FRMD4B: variants seen among roughly 807,000 people sequenced by gnomAD.
FRMD4B encodes the protein FERM domain-containing protein 4B.
In FRMD4B, 74 loss-of-function variants were observed where a neutral mutation model predicts 141.5. The observed-to-expected ratio is 0.52, with a 90% CI of 0.43 to 0.63. The LOEUF (loss-of-function observed/expected upper bound fraction) is 0.63, where lower values mean the gene tolerates loss of function less well. Ranked by LOEUF, FRMD4B falls within the 30% of genes least tolerant of loss-of-function variation. The pLI, the probability that FRMD4B is intolerant of heterozygous loss-of-function variation, is 0.00. For missense variants in FRMD4B, 1,366 were observed against 1,253.4 expected, an observed-to-expected ratio of 1.09 and a Z score of -1.36; for synonymous variants, 506 against 467.9, an observed-to-expected ratio of 1.08 and a Z score of -1.05.
intron 2 of FRMD4B, among the ~76,000 whole-genome samples, chr3:69,406,499 T>A (rs534273982): frequency 6.6e-6 from 1 of 152,178 alleles, no homozygotes; most frequent in Non-Finnish European, 1.5e-5. Context: ...ACATTTCCAT[T>A]GTAAAATATT....
intron 1 of FRMD4B, among the ~76,000 whole-genome samples, chr3:69,372,926 C>A (rs1350070105): frequency 1.3e-5 from 2 of 152,106 alleles, no homozygotes; most frequent in East Asian, 1.9e-4. Context: ...CAGGGTTATA[C>A]ACGTAATGGG....
At chr3:69,456,934 A>G (rs4855410) in intron 1 of FRMD4B, among the ~76,000 whole-genome samples, 101,410 of 151,972 alleles carry the variant, frequency 0.67, 34,495 homozygotes, top group East Asian at 0.83. Flanking sequence ...TGCCCACAAA[A>G]CTAAAAATAT....
At chr3:69,205,314 C>T (rs2093014305) in intron 11 of FRMD4B, among the ~76,000 whole-genome samples, 1 of 151,980 alleles carries the variant, frequency 6.6e-6, no homozygotes, top group African/African-American at 2.4e-5. Context: ...ACAACAGGTA[C>T]ATGCTACCAC....
Position 69,169,653 on chromosome 3 carries a change from G to A in FRMD4B, c.*2208C>T, listed in dbSNP as rs901259627. On this transcript the variant is annotated 3_prime_UTR_variant, in exon 23 of 23. Transcript: ENST00000398540. ...ATTACAGGTGTGAGCCGCTATGCCT[G>A]GCCCTGAGCTTCCATTTCTATACCT... 6.6e-6 allele frequency among the ~76,000 whole-genome samples: 1 copy of A among 152,048 alleles called. No individual in the cohort carries two copies. The highest frequency in any genetic ancestry group is 6.6e-5 in the Admixed American group (1 of 15,266).
At chr3:69,392,662 A>G (rs1019441318) in intron 2 of FRMD4B, among the ~76,000 whole-genome samples, 2 of 152,092 alleles carry the variant, frequency 1.3e-5, no homozygotes, top group African/African-American at 4.8e-5. Flanking sequence ...GGGCCTTCAC[A>G]CACAGAATGG....
intron 1 of FRMD4B, among the ~76,000 whole-genome samples, chr3:69,494,613 T>C (rs1373032537): frequency 6.6e-6 from 1 of 152,122 alleles, no homozygotes; most frequent in African/African-American, 2.4e-5. Flanking sequence ...AACAATCAGC[T>C]GGGTGCGGTG....
chr3:69,309,784 G>C (rs559509434), intron 3 of FRMD4B, among the ~76,000 whole-genome samples: 1 of 152,128 alleles, frequency 6.6e-6, no homozygotes, highest in African/African-American at 2.4e-5. Flanking sequence ...CAATATTCAT[G>C]TTGTTAACCC....
intron 21 of FRMD4B, among the ~76,000 whole-genome samples, chr3:69,177,242 G>A (rs918901328): frequency 3.3e-5 from 5 of 152,160 alleles, no homozygotes; most frequent in African/African-American, 1.2e-4. Flanking sequence ...AGGAGGCTGA[G>A]ACAGGAGAAA....
intron 10 of FRMD4B, among the ~76,000 whole-genome samples, chr3:69,217,714 T>A (rs760163766): frequency 6.6e-6 from 1 of 152,204 alleles, no homozygotes; most frequent in Admixed American, 6.5e-5. Flanking sequence ...CATTTTGAAT[T>A]GTATAGAGAT....
chr3:69,434,151 T>C (rs372737005), intron 1 of FRMD4B, among the ~76,000 whole-genome samples: 40 of 152,324 alleles, frequency 2.6e-4, no homozygotes, highest in African/African-American at 7.9e-4. Context: ...TGCAAAGAAC[T>C]AGTTAAATCC....
intron 1 of FRMD4B, among the ~76,000 whole-genome samples, chr3:69,351,973 G>C (rs9869925): frequency 0.17 from 26,545 of 152,068 alleles, 2,544 homozygotes; most frequent in African/African-American, 0.25. Flanking sequence ...TCTCTCCATG[G>C]GTGAGACATA....
intron 1 of FRMD4B, among the ~76,000 whole-genome samples, chr3:69,318,640 C>T (rs1193255276): frequency 6.6e-6 from 1 of 152,194 alleles, no homozygotes; most frequent in Non-Finnish European, 1.5e-5. Context: ...TGATTTGATG[C>T]TCGCTAGCAA....
intron 7 of FRMD4B, among the ~76,000 whole-genome samples, chr3:69,246,775 C>T (rs191347644): frequency 1.2e-4 from 18 of 152,310 alleles, no homozygotes; most frequent in Non-Finnish European, 7.3e-5. Flanking sequence ...ACAGTGTGCG[C>T]CACTTCAACC....
intron 1 of FRMD4B, among the ~76,000 whole-genome samples, chr3:69,447,226 T>C (rs1302070217): frequency 6.6e-6 from 1 of 152,168 alleles, no homozygotes; most frequent in Non-Finnish European, 1.5e-5. Context: ...ATACTCATCA[T>C]CTCTTTTGTT....
rs1575750789 is a variant in FRMD4B at position 69,345,284 on chromosome 3, G to A, written c.163-31767C>T. 3.9e-5 allele frequency among the ~76,000 whole-genome samples: 6 copies of A among 152,314 alleles called. No individual in the cohort carries two copies. The South Asian group carries it at 1.2e-3, about 32-fold the overall frequency. The stretch of plus-strand genomic sequence containing the variant: ...CGAACTGCAAGGAGGCAGTGAGGCT[G>A]GGGTAGGGGTACCCGCCATTGCTGA... On this transcript the variant is annotated intron_variant, in intron 1 of 22. Transcript: ENST00000398540.
At chr3:69,402,723 C>T (rs1344431004) in intron 2 of FRMD4B, among the ~76,000 whole-genome samples, 1 of 151,984 alleles carries the variant, frequency 6.6e-6, no homozygotes, top group African/African-American at 2.4e-5. Flanking sequence ...AAATAAGCAA[C>T]CCAGATTATA....
intron 7 of FRMD4B, among the ~76,000 whole-genome samples, chr3:69,242,712 C>G (rs558244772): frequency 9.5e-5 from 14 of 147,136 alleles, no homozygotes; most frequent in Non-Finnish European, 1.8e-4. Flanking sequence ...AAAAAAAGGC[C>G]GGGCTCGTTG....
At chr3:69,224,550 T>C (rs751152014) in intron 8 of FRMD4B, 57 bp downstream of exon 8, 2 of 785,036 alleles carry the variant, frequency 2.5e-6, no homozygotes, top group Non-Finnish European at 4.5e-6. Flanking sequence ...CTGAAAAGCA[T>C]GTAGTTCTGA....
intron 7 of FRMD4B, among the ~76,000 whole-genome samples, chr3:69,237,207 G>C (rs1441030061): frequency 5.9e-5 from 9 of 152,224 alleles, no homozygotes; most frequent in African/African-American, 2.2e-4. Context: ...GAAAGCTAGG[G>C]AGGAACGGAA....
Sources: gnomAD v4.1 joint callset for allele counts (sites outside exome capture counted in the v4.1 genomes callset) on GRCh38, gnomAD v4.1.1 for gene constraint, MANE v1.5 for transcripts, NCBI Gene and HGNC (gene_info 2026-07-23, HGNC 2026-07-21) for gene names.